The following TSPAN2 variants were observed in gnomAD, a reference collection of about 807,000 sequenced individuals.
The protein encoded by TSPAN2 is tetraspanin 2, also known as tetraspanin-2.
Under a neutral mutation model 33.3 loss-of-function variants are expected in TSPAN2, and 24 were observed. The ratio of observed to expected loss-of-function variants is 0.72; its 90% confidence interval spans 0.52 to 1.01. The LOEUF is 1.01. TSPAN2 is among the 50% of genes least tolerant of loss of function. The pLI is 0.00. For missense variants in TSPAN2, 278 were observed against 281.3 expected, an observed-to-expected ratio of 0.99 and a Z score of 0.08; for synonymous variants, 114 against 104.5, an observed-to-expected ratio of 1.09 and a Z score of -0.56.
Position 115,062,217 on chromosome 1 carries a change from A to T in TSPAN2, c.188T>A (p.Val63Asp). ...GGCCATCATCAGGGCCCCGGCTCCA[A>T]CCAGAACATACAGCCCTGTGGGGAA... is the stretch of plus-strand genomic sequence containing the variant. ...EYFYVGLYVL[V>D]GAGALMMAVG... Residue 63 changes from valine to aspartate, a missense_variant, in exon 3 of 8, where the codon GTT (valine) becomes GAT (aspartate). By Grantham distance (152) the Val-to-Asp change is radical. Coordinates refer to ENST00000369516, the MANE Select transcript of TSPAN2 (RefSeq NM_005725.6). 1 of 1,591,318 alleles carries T rather than the reference A, an allele frequency of 6.3e-7. No homozygotes were observed. Among genetic ancestry groups the T allele is most frequent in the Non-Finnish European group, 8.6e-7 (1 of 1,168,548 alleles).
At chr1:115,069,556 G>C (rs761460349) in intron 2 of TSPAN2, among the ~76,000 whole-genome samples, 7 of 152,222 alleles carry the variant, frequency 4.6e-5, no homozygotes, top group Non-Finnish European at 1.0e-4. Context: ...CTTAAGAATG[G>C]AGCCAAAGGA....
intron 1 of TSPAN2, among the ~76,000 whole-genome samples, chr1:115,086,320 G>A (rs1358066830): frequency 1.3e-5 from 2 of 152,152 alleles, no homozygotes; most frequent in African/African-American, 2.4e-5. Context: ...GTGCAGGCAC[G>A]CCCTGCTTGG....
At chr1:115,070,342 A>G (rs1440291067) in intron 2 of TSPAN2, among the ~76,000 whole-genome samples, 1 of 147,960 alleles carries the variant, frequency 6.8e-6, no homozygotes, top group African/African-American at 2.5e-5. Flanking sequence ...GTTATACCCT[A>G]ATTTGTCCGG....
At chr1:115,077,384 T>A (rs1303216711) in intron 1 of TSPAN2, among the ~76,000 whole-genome samples, 1 of 151,794 alleles carries the variant, frequency 6.6e-6, no homozygotes, top group Non-Finnish European at 1.5e-5. Flanking sequence ...ATAGTGACAA[T>A]AATTCCAAGT....
intron 1 of TSPAN2, among the ~76,000 whole-genome samples, chr1:115,085,305 G>A (rs1239811421): frequency 6.6e-6 from 1 of 152,214 alleles, no homozygotes; most frequent in African/African-American, 2.4e-5. Context: ...TCAGTGGTGA[G>A]TACAGTCAGC....
intron 1 of TSPAN2, among the ~76,000 whole-genome samples, chr1:115,083,086 G>A (rs1235667892): frequency 6.6e-6 from 1 of 152,236 alleles, no homozygotes; most frequent in Non-Finnish European, 1.5e-5. Context: ...TAATTCATCT[G>A]TAAGATGTGC....
At chr1:115,062,113 T>C in intron 3 of TSPAN2, 22 bp downstream of exon 3, 3 of 757,820 alleles carry the variant, frequency 4.0e-6, no homozygotes, top group Non-Finnish European at 6.3e-6. Context: ...CACCCCACCA[T>C]TTACCCCCTC....
intron 7 of TSPAN2, among the ~76,000 whole-genome samples, chr1:115,052,729 T>C (rs1361877205): frequency 6.6e-6 from 1 of 152,238 alleles, no homozygotes; most frequent in Non-Finnish European, 1.5e-5. Flanking sequence ...ATCTATGCCA[T>C]TGCCTTTGCC....
chr1:115,064,494 T>A (rs988484869), intron 2 of TSPAN2, among the ~76,000 whole-genome samples: 3 of 152,238 alleles, frequency 2.0e-5, no homozygotes, highest in African/African-American at 7.2e-5. Flanking sequence ...GAATTCACCA[T>A]GATCTGGCTG....
chr1:115,063,924 AAACT>A (rs1242403476), intron 2 of TSPAN2, among the ~76,000 whole-genome samples: 5 of 152,134 alleles, frequency 3.3e-5, no homozygotes, highest in Non-Finnish European at 7.4e-5. Flanking sequence ...AGGTGTTGAA[AAACT>A]AACTATTGGA....
At chr1:115,075,126 A>G (rs1411139120) in intron 1 of TSPAN2, among the ~76,000 whole-genome samples, 1 of 152,206 alleles carries the variant, frequency 6.6e-6, no homozygotes, top group Non-Finnish European at 1.5e-5. Flanking sequence ...ACTCTAATTT[A>G]TAGCTGTCTG....
intron 2 of TSPAN2, among the ~76,000 whole-genome samples, chr1:115,065,486 T>C (rs994712278): frequency 2.0e-5 from 3 of 152,234 alleles, no homozygotes; most frequent in African/African-American, 4.8e-5. Flanking sequence ...GAAAACATTT[T>C]GAAATTACAT....
At position 115,048,146 on chromosome 1, in the gene TSPAN2, T is replaced by C. The variant is rs909825702; in HGVS notation, c.*2344A>G. ...TCAAATTAGTTCAGGGGAACAGAAA[T>C]AGCTGAAAATTTATGTATATGTGTA... On this transcript the variant is annotated 3_prime_UTR_variant, in exon 8 of 8. Coordinates refer to ENST00000369516, the MANE Select transcript of TSPAN2 (RefSeq NM_005725.6). The C allele has an allele frequency of 4.7e-5, 7 of 150,078 alleles. No individual in the cohort carries two copies. The highest frequency in any genetic ancestry group is 7.4e-5 in the Non-Finnish European group (5 of 67,544). The allele number at this position is 150,078 out of a possible 1,614,324, so 9.3% of individuals were successfully genotyped here.
chr1:115,082,311 T>C (rs1226274734), intron 1 of TSPAN2, among the ~76,000 whole-genome samples: 1 of 152,224 alleles, frequency 6.6e-6, no homozygotes, highest in Non-Finnish European at 1.5e-5. Context: ...CGATAGTCTG[T>C]AGACTTGGAG....
In TSPAN2 at chr1:115,089,425, C is replaced by A; in HGVS notation, c.8G>T (p.Arg3Leu). 1.3e-6 allele frequency: 2 copies of A among 1,574,904 alleles called. No homozygotes were observed. The highest frequency in any genetic ancestry group is 1.7e-6 in the Non-Finnish European group (2 of 1,162,280). Residue 3 changes from arginine to leucine, a missense_variant, in exon 1 of 8, where the codon CGC becomes CTC. Physicochemically the swap from Arg to Leu is moderately radical, Grantham distance 102. Coordinates refer to ENST00000369516, the MANE Select transcript of TSPAN2 (RefSeq NM_005725.6). Reference protein sequence around the residue: MGRFRGGLRCIKY... With the variant: MGLFRGGLRCIKY... Reference sequence around the variant, plus strand: ...GATGCACCGCAGGCCCCCGCGGAAGCGCCCCATGCTGCGGCCCGGCGGCGG... The same window carrying A: ...GATGCACCGCAGGCCCCCGCGGAAGAGCCCCATGCTGCGGCCCGGCGGCGG...
At chr1:115,089,299 AC>A in intron 1 of TSPAN2, 64 bp downstream of exon 1, 1 of 1,401,322 alleles carries the variant, frequency 7.1e-7, no homozygotes. Context: ...CAGCTCGGGG[AC>A]CCCGGCCCCG....
rs1471976558 is a variant in TSPAN2 at position 115,057,518 on chromosome 1, A to G, written c.516+19T>C. The G allele has an allele frequency of 3.7e-6, 6 of 1,612,236 alleles. No homozygotes were observed. The Admixed American group carries it at 1.0e-4, about 27-fold the overall frequency. On this transcript the variant is annotated intron_variant, in intron 6 of 7. Transcript: ENST00000369516. ...AGCATGATACTACAGGTAGAGTAAG[A>G]ACCTTGGTAGAAGCTTACCTTGTGT...
chr1:115,060,547 G>A lies in TSPAN2; in HGVS notation c.271-9C>T, dbSNP rs189737200. On this transcript the variant is annotated splice_polypyrimidine_tract_variant and intron_variant, in intron 3 of 7. Coordinates refer to ENST00000369516, the MANE Select transcript of TSPAN2 (RefSeq NM_005725.6). The stretch of plus-strand genomic sequence containing the variant: ...AGGAGGCAGGTAAAAAACTGTAGAG[G>A]AGAGAAAATACTAATTTCATTAATT... The A allele has an allele frequency of 3.9e-3, 6,219 of 1,606,420 alleles. 29 individuals carry two copies. Among genetic ancestry groups the A allele is most frequent in the Middle Eastern group, 0.013 (77 of 6,034 alleles).
chr1:115,053,447 T>A lies in TSPAN2; in HGVS notation c.532A>T (p.Ile178Phe). The A allele has an allele frequency of 6.2e-7, 1 of 1,613,888 alleles. No individual in the cohort carries two copies. ...AGCTTAACACTGATTATGGTCTCAA[T>A]TTCATCGATGCAATTCTGTTTTGAG... is the stretch of plus-strand genomic sequence containing the variant. ...LLGHKNCIDEIETIISVKLQL... is the reference protein window; with the variant it reads ...LLGHKNCIDEFETIISVKLQL... Residue 178 changes from isoleucine (I) to phenylalanine (F), a missense_variant, in exon 7 of 8, where the codon ATT (isoleucine) becomes TTT (phenylalanine). By Grantham distance (21) the Ile-to-Phe change is conservative. Transcript: ENST00000369516.
Sources: gnomAD v4.1 joint callset for allele counts (sites outside exome capture counted in the v4.1 genomes callset) on GRCh38, gnomAD v4.1.1 for gene constraint, MANE v1.5 for transcripts, NCBI Gene and HGNC (gene_info 2026-07-23, HGNC 2026-07-21) for gene names.